Variants in PAICS observed in about 807,000 individuals in gnomAD.
The protein encoded by PAICS is phosphoribosylaminoimidazole carboxylase and phosphoribosylaminoimidazolesuccinocarboxamide synthase, also known as bifunctional phosphoribosylaminoimidazole carboxylase/phosphoribosylaminoimidazole succinocarboxamide synthetase.
A neutral mutation model predicts 53.7 loss-of-function variants in PAICS; 33 were observed. The observed-to-expected ratio is 0.61, with a 90% CI of 0.47 to 0.82. The LOEUF is 0.82. Among genes scored for constraint, PAICS ranks in the 40% least tolerant of loss-of-function variants. The probability of loss-of-function intolerance (pLI) is 0.00; values close to 1 mark genes in which losing one functional copy is unlikely to be tolerated. For synonymous variants in PAICS, 141 were observed against 167.2 expected (o/e 0.84, Z 1.21); for missense variants, 394 against 494.1 (o/e 0.80, Z 1.92).
At chr4:56,418,929 A>T in the PAICS span, among the ~76,000 whole-genome samples, 1 of 152,222 alleles carries the variant, frequency 6.6e-6, no homozygotes, top group Non-Finnish European at 1.5e-5. Flanking sequence ...TTTCTGACAC[A>T]TTTCCCTACC....
At chr4:56,414,841 T>C in the PAICS span, among the ~76,000 whole-genome samples, 4 of 152,210 alleles carry the variant, frequency 2.6e-5, no homozygotes, top group Non-Finnish European at 5.9e-5. Flanking sequence ...CAGATTTTTA[T>C]TTTCCCTGTT....
At chr4:56,452,546 G>T (rs186988037) in intron 7 of PAICS, among the ~76,000 whole-genome samples, 1 of 152,314 alleles carries the variant, frequency 6.6e-6, no homozygotes, top group East Asian at 1.9e-4. Context: ...AAGGAGCAGG[G>T]AGAAATAATT....
chr4:56,417,835 G>T, the PAICS span, among the ~76,000 whole-genome samples: 324 of 102,556 alleles, frequency 3.2e-3, 2 homozygotes, highest in African/African-American at 9.8e-3. Context: ...TGAAGATTTG[G>T]TTTTTTGTTT....
intron 2 of PAICS, among the ~76,000 whole-genome samples, chr4:56,443,125 A>G (rs1718420984): frequency 6.6e-6 from 1 of 152,174 alleles, no homozygotes; most frequent in Non-Finnish European, 1.5e-5. Flanking sequence ...GAGAGCATCA[A>G]ATTAATTTTG....
chr4:56,440,127 A>C (rs761069556), intron 1 of PAICS, among the ~76,000 whole-genome samples: 9 of 152,236 alleles, frequency 5.9e-5, no homozygotes, highest in Non-Finnish European at 1.3e-4. Flanking sequence ...CTTGTGAAAC[A>C]AGAAGGATGT....
chr4:56,447,760 G>C (rs919189574), intron 3 of PAICS, among the ~76,000 whole-genome samples: 5 of 152,130 alleles, frequency 3.3e-5, no homozygotes, highest in Non-Finnish European at 7.4e-5. Context: ...GAATTTTAAA[G>C]TGCTATTGAG....
chr4:56,436,049 G>T (rs1291139281), upstream of PAICS: 3 of 1,510,520 alleles, frequency 2.0e-6, no homozygotes, highest in Non-Finnish European at 2.7e-6. Context: ...CACTGCGCCA[G>T]CGCGGGGCGG....
the PAICS span, among the ~76,000 whole-genome samples, chr4:56,423,837 GA>G: frequency 3.3e-5 from 5 of 151,878 alleles, no homozygotes; most frequent in Admixed American, 6.6e-5. Context: ...AAATACGTAA[GA>G]AAAAAACTTA....
chr4:56,417,842 G>GTTTT, the PAICS span, among the ~76,000 whole-genome samples: 2 of 136,186 alleles, frequency 1.5e-5, no homozygotes, highest in African/African-American at 2.7e-5. Context: ...TTGGTTTTTT[G>GTTTT]TTTTTTTTTT....
chr4:56,415,737 C>T, the PAICS span, among the ~76,000 whole-genome samples: 1 of 152,102 alleles, frequency 6.6e-6, no homozygotes, highest in Non-Finnish European at 1.5e-5. Flanking sequence ...CAAATGCCTA[C>T]TCTGTTAGAG....
the PAICS span, among the ~76,000 whole-genome samples, chr4:56,418,359 G>A: frequency 6.6e-6 from 1 of 151,596 alleles, no homozygotes; most frequent in Non-Finnish European, 1.5e-5. Flanking sequence ...TCACTCTTTT[G>A]CCCAAGCTGG....
upstream of PAICS, chr4:56,435,895 T>A (rs1173304524): frequency 6.7e-7 from 1 of 1,484,140 alleles, no homozygotes; most frequent in South Asian, 1.1e-5. Context: ...CATATGCCCT[T>A]CCCTGCATGC....
chr4:56,449,161 C>T (rs1370980373), intron 5 of PAICS, among the ~76,000 whole-genome samples: 10 of 152,188 alleles, frequency 6.6e-5, no homozygotes, highest in Admixed American at 5.9e-4. Context: ...ATCTGGGACT[C>T]TATTCCAAGT....
At chr4:56,429,437 A>C in the PAICS span, among the ~76,000 whole-genome samples, 2 of 152,202 alleles carry the variant, frequency 1.3e-5, no homozygotes, top group Non-Finnish European at 2.9e-5. Context: ...TCAGAAGCCA[A>C]CCTAATAATG....
At chr4:56,438,554 C>T (rs1718171201) in intron 1 of PAICS, among the ~76,000 whole-genome samples, 1 of 151,610 alleles carries the variant, frequency 6.6e-6, no homozygotes. Context: ...CTGCCTCAGC[C>T]CCCCAAGTAG....
the PAICS span, among the ~76,000 whole-genome samples, chr4:56,428,477 T>C: frequency 6.6e-6 from 1 of 152,078 alleles, no homozygotes; most frequent in Non-Finnish European, 1.5e-5. Context: ...TCATACGAAA[T>C]ATAAAAATGT....
rs1481626793 is a variant in PAICS, at chr4:56,450,641, T to G, written c.710T>G (p.Val237Gly). The change falls in exon 6 of 9, where the codon GTA (valine) becomes GGA (glycine). Residue 237 changes from valine (V) to glycine (G), a missense_variant. Val to Gly is a moderately radical substitution (Grantham distance 109, BLOSUM62 -3). Coordinates refer to ENST00000512576, the MANE Select transcript of PAICS (RefSeq NM_001079524.2). Reference protein sequence around the residue: ...DKQSYRDLKEVTPEGLQMVKK... With the variant: ...DKQSYRDLKEGTPEGLQMVKK... ...TAGTCTTATCGGGACCTCAAAGAAG[T>G]AACTCCTGAAGGGCTCCAAATGGTA... 1 of 1,539,522 alleles carries G rather than the reference T, an allele frequency of 6.5e-7. No homozygotes were observed. Among genetic ancestry groups the G allele is most frequent in the South Asian group, 1.2e-5 (1 of 84,076 alleles).
upstream of PAICS, among the ~76,000 whole-genome samples, chr4:56,431,026 A>G (rs1329018126): frequency 6.6e-6 from 1 of 152,176 alleles, no homozygotes; most frequent in Non-Finnish European, 1.5e-5. Flanking sequence ...GAAGGATTGA[A>G]AACACTTATT....
In PAICS at chr4:56,461,609, G is replaced by C. The variant is rs1305230972; in HGVS notation, c.*2071G>C. ...CATGATTATGGCTCCCTGCAGCCTT[G>C]AACTCCTGGACTCAAGCTGCAGCCT... is the stretch of plus-strand genomic sequence containing the variant. On this transcript the variant is annotated 3_prime_UTR_variant, in exon 9 of 9. Transcript: ENST00000512576. The C allele has an allele frequency of 4.0e-5, 6 of 151,616 alleles. No homozygotes were observed. In the East Asian group the frequency reaches 1.2e-3, roughly 29 times the overall value. The allele number at this position is 151,616 out of a possible 1,614,324, so 9.4% of individuals were successfully genotyped here.
Sources: allele counts gnomAD v4.1 joint callset (sites outside exome capture counted in the v4.1 genomes callset), GRCh38; gene constraint gnomAD v4.1.1; transcripts MANE v1.5; gene names NCBI Gene and HGNC (gene_info 2026-07-23, HGNC 2026-07-21).